The following GRXCR1 variants were observed in gnomAD, a reference collection of about 807,000 sequenced individuals.
GRXCR1 encodes glutaredoxin and cysteine rich domain containing 1.
Under a neutral mutation model 27.3 loss-of-function variants are expected in GRXCR1, and 27 were observed. The ratio of observed to expected loss-of-function variants is 0.99; its 90% CI spans 0.73 to 1.37. The LOEUF is 1.37. Ranked by LOEUF, GRXCR1 falls within the 40% of genes most tolerant of loss-of-function variation. GRXCR1 has a pLI of 0.00. For missense variants in GRXCR1, 379 were observed against 354.4 expected, an observed-to-expected ratio of 1.07 and a Z score of -0.56; for synonymous variants, 122 against 131.1, an observed-to-expected ratio of 0.93 and a Z score of 0.47.
intron 1 of GRXCR1, among the ~76,000 whole-genome samples, chr4:42,959,546 A>G (rs1273447951): frequency 6.6e-6 from 1 of 151,956 alleles, no homozygotes; most frequent in Non-Finnish European, 1.5e-5. Flanking sequence ...GTTTTAGGCA[A>G]TTTTACCGCA....
chr4:43,024,097 G>A (rs540686772), intron 3 of GRXCR1, among the ~76,000 whole-genome samples: 2 of 151,560 alleles, frequency 1.3e-5, no homozygotes, highest in East Asian at 1.9e-4. Context: ...TGGCAGAGAA[G>A]CTCCAAGTAA....
chr4:42,933,110 G>C (rs1747369372), intron 1 of GRXCR1, among the ~76,000 whole-genome samples: 1 of 151,898 alleles, frequency 6.6e-6, no homozygotes, highest in Admixed American at 6.6e-5. Context: ...GAATTAGGCA[G>C]ACATGGCATG....
At chr4:42,896,466 C>T (rs1746348801) in intron 1 of GRXCR1, among the ~76,000 whole-genome samples, 1 of 151,824 alleles carries the variant, frequency 6.6e-6, no homozygotes, top group Non-Finnish European at 1.5e-5. Context: ...CTCAGGTGGG[C>T]GTTGTAGAGA....
intron 1 of GRXCR1, among the ~76,000 whole-genome samples, chr4:42,932,175 C>T (rs774428419): frequency 6.6e-6 from 1 of 151,844 alleles, no homozygotes; most frequent in African/African-American, 2.4e-5. Flanking sequence ...ATCTCTTAAG[C>T]TTATTTCTCC....
chr4:42,950,824 T>G (rs536120290), intron 1 of GRXCR1, among the ~76,000 whole-genome samples: 2 of 152,150 alleles, frequency 1.3e-5, no homozygotes, highest in East Asian at 3.9e-4. Flanking sequence ...GTCAGCATTC[T>G]CCAGAGAAAC....
intron 1 of GRXCR1, among the ~76,000 whole-genome samples, chr4:42,895,876 C>G: frequency 6.6e-6 from 1 of 152,052 alleles, no homozygotes; most frequent in African/African-American, 2.4e-5. Flanking sequence ...TATGACTTTT[C>G]CCCCTATATA....
chr4:43,009,755 C>T (rs1422733993), intron 2 of GRXCR1, among the ~76,000 whole-genome samples: 2 of 152,114 alleles, frequency 1.3e-5, no homozygotes, highest in South Asian at 4.2e-4. Flanking sequence ...TAATCACCCC[C>T]CCAAATACTC....
In GRXCR1 at chr4:42,938,222, C is replaced by A. The variant is rs143596692; in HGVS notation, c.385-24670C>A. Among the ~76,000 whole-genome samples the A allele has an allele frequency of 4.1e-3, 621 of 152,054 alleles. 3 individuals carry two copies. Among genetic ancestry groups the A allele is most frequent in the African/African-American group, 0.014 (590 of 41,522 alleles). ...CTTATTTTAGTTAACAAAATGTCTTCCAGTTCCATTCATGTTGTAAGTGAC... is the reference window on the plus strand; with the variant it reads ...CTTATTTTAGTTAACAAAATGTCTTACAGTTCCATTCATGTTGTAAGTGAC... On this transcript the variant is annotated intron_variant, in intron 1 of 3. Coordinates refer to ENST00000399770, the MANE Select transcript of GRXCR1 (RefSeq NM_001080476.3).
chr4:43,024,496 G>A (rs1038410504), intron 3 of GRXCR1, among the ~76,000 whole-genome samples: 1 of 87,690 alleles, frequency 1.1e-5, no homozygotes, highest in Non-Finnish European at 2.1e-5. Context: ...GGGGAATCAG[G>A]CCATGTCATC....
intron 1 of GRXCR1, among the ~76,000 whole-genome samples, chr4:42,940,830 T>C (rs745851964): frequency 6.6e-6 from 1 of 152,062 alleles, no homozygotes; most frequent in Non-Finnish European, 1.5e-5. Context: ...ATTTCAGTGA[T>C]AGAGAGACAT....
chr4:43,026,978 C>G (rs1320153151), intron 3 of GRXCR1, among the ~76,000 whole-genome samples: 1 of 152,192 alleles, frequency 6.6e-6, no homozygotes, highest in Admixed American at 6.6e-5. Flanking sequence ...AACACATTTA[C>G]TCTCCCTTTC....
At chr4:43,009,413 C>G (rs1397739390) in intron 2 of GRXCR1, among the ~76,000 whole-genome samples, 2 of 152,108 alleles carry the variant, frequency 1.3e-5, no homozygotes, top group Non-Finnish European at 2.9e-5. Flanking sequence ...TACTGTCATC[C>G]TCATCCTATC....
At chr4:42,913,223 T>A (rs1266263931) in intron 1 of GRXCR1, among the ~76,000 whole-genome samples, 2 of 152,168 alleles carry the variant, frequency 1.3e-5, no homozygotes, top group African/African-American at 4.8e-5. Flanking sequence ...TCTTTGGAAC[T>A]GAGTAACAGG....
intron 2 of GRXCR1, among the ~76,000 whole-genome samples, chr4:42,987,298 A>G (rs537939976): frequency 1.5e-5 from 2 of 131,940 alleles, no homozygotes; most frequent in African/African-American, 5.6e-5. Context: ...AGAGAGAGAG[A>G]GAAAGAGAGA....
chr4:42,905,248 C>A (rs979807056), intron 1 of GRXCR1, among the ~76,000 whole-genome samples: 3 of 152,198 alleles, frequency 2.0e-5, no homozygotes, highest in Non-Finnish European at 4.4e-5. Context: ...GGCTCTATAC[C>A]TGTGAACTCA....
At chr4:42,915,072 C>T (rs1746855357) in intron 1 of GRXCR1, among the ~76,000 whole-genome samples, 1 of 152,108 alleles carries the variant, frequency 6.6e-6, no homozygotes, top group Non-Finnish European at 1.5e-5. Context: ...TTCTTCATAG[C>T]AGCATGAGAA....
Position 42,987,248 on chromosome 4 carries a change from A to T in GRXCR1, c.627+24114A>T, listed in dbSNP as rs1443226099. On this transcript the variant is annotated intron_variant, in intron 2 of 3. Transcript: ENST00000399770. ...TATATATTATATATATATAATATAT[A>T]ATATATATATATAATATATATATAT... Among the ~76,000 whole-genome samples the T allele has an allele frequency of 3.6e-3, 245 of 67,492 alleles. 1 individual carries two copies. The highest frequency in any genetic ancestry group is 0.012 in the African/African-American group (223 of 19,090). The allele number at this position is 67,492 out of a possible 152,430, so 44.3% of individuals were successfully genotyped here. A position where few individuals can be genotyped will look rare whatever the true frequency, so the allele number is the denominator to read the frequency against.
At chr4:42,896,649 C>T (rs977863053) in intron 1 of GRXCR1, among the ~76,000 whole-genome samples, 6 of 152,014 alleles carry the variant, frequency 3.9e-5, no homozygotes, top group African/African-American at 1.2e-4. Flanking sequence ...TGGAAATAGG[C>T]GTTTACTAGA....
rs112793108 is a variant in GRXCR1 at position 42,978,161 on chromosome 4, A to G, written c.627+15027A>G. 3.6e-3 allele frequency among the ~76,000 whole-genome samples: 546 copies of G among 152,042 alleles called. 5 individuals are homozygous for G. The highest frequency in any genetic ancestry group is 0.011 in the African/African-American group (456 of 41,528). On this transcript the variant is annotated intron_variant, in intron 2 of 3. Coordinates refer to ENST00000399770, the MANE Select transcript of GRXCR1 (RefSeq NM_001080476.3). ...TGTATTCTGTTCCTTTGGTCTATGT[A>G]TCAATTTACTTGCCTTTATGCCAGT...
Sources: gnomAD v4.1 joint callset for allele counts (sites outside exome capture counted in the v4.1 genomes callset) on GRCh38, gnomAD v4.1.1 for gene constraint, MANE v1.5 for transcripts, NCBI Gene and HGNC (gene_info 2026-07-23, HGNC 2026-07-21) for gene names.